Variants in TRAM2 observed in about 807,000 individuals in gnomAD.
TRAM2 encodes the protein translocation associated membrane protein 2.
TRAM2 carries 12 observed loss-of-function variants against 51.0 expected under a neutral mutation model. The ratio of observed to expected loss-of-function variants is 0.24; its 90% CI spans 0.15 to 0.38. TRAM2 has a LOEUF of 0.38. TRAM2 is among the 10% of genes least tolerant of loss of function. TRAM2 has a pLI of 1.00. For synonymous variants in TRAM2, 175 were observed against 179.4 expected, an observed-to-expected ratio of 0.98 and a Z score of 0.20; for missense variants, 361 against 462.0, an observed-to-expected ratio of 0.78 and a Z score of 2.00.
intron 2 of TRAM2, among the ~76,000 whole-genome samples, chr6:52,526,216 A>C (rs966777580): frequency 1.3e-5 from 2 of 150,546 alleles, no homozygotes. Context: ...CACGCCAGAG[A>C]ATTAAAGATC....
Position 52,506,140 on chromosome 6 carries a change from G to C in TRAM2, c.627-4C>G, listed in dbSNP as rs1280295111. 1 of 1,613,180 alleles carries C rather than the reference G, an allele frequency of 6.2e-7. No individual in the cohort carries two copies. Among genetic ancestry groups the C allele is most frequent in the Non-Finnish European group, 8.5e-7 (1 of 1,179,870 alleles). ...GATCAGGCCCAGGCGGCTCAGGCTG[G>C]GGGTGGGGAAGACTAGACTTACATT... On this transcript the variant is annotated splice_region_variant and splice_polypyrimidine_tract_variant and intron_variant, in intron 7 of 10. Coordinates refer to ENST00000182527, the MANE Select transcript of TRAM2 (RefSeq NM_012288.4).
At chr6:52,522,253 C>A (rs1484415679) in intron 2 of TRAM2, among the ~76,000 whole-genome samples, 1 of 152,244 alleles carries the variant, frequency 6.6e-6, no homozygotes, top group African/African-American at 2.4e-5. Context: ...CAGGAACACA[C>A]TAGAGAGGAG....
At chr6:52,526,808 C>T (rs559772893) in intron 2 of TRAM2, among the ~76,000 whole-genome samples, 1 of 152,352 alleles carries the variant, frequency 6.6e-6, no homozygotes, top group Non-Finnish European at 1.5e-5. Flanking sequence ...CTCCACTGTA[C>T]TTCAAAGTTC....
At chr6:52,559,258 G>C in intron 1 of TRAM2, among the ~76,000 whole-genome samples, 1 of 152,206 alleles carries the variant, frequency 6.6e-6, no homozygotes, top group East Asian at 1.9e-4. Context: ...AAAGATCAGT[G>C]TAACAGACGC....
chr6:52,515,599 A>C lies in TRAM2; in HGVS notation c.411+407T>G, dbSNP rs1308356504. Reference sequence around the variant, plus strand: ...TTCAAAACCACAGAACCACAGGCATACTGCAAAATTTGAGCTTGGAACTCT... The same window carrying C: ...TTCAAAACCACAGAACCACAGGCATCCTGCAAAATTTGAGCTTGGAACTCT... On this transcript the variant is annotated intron_variant, in intron 4 of 10. Coordinates refer to ENST00000182527, the MANE Select transcript of TRAM2 (RefSeq NM_012288.4). Among the ~76,000 whole-genome samples the C allele has an allele frequency of 2.0e-5, 3 of 152,264 alleles. No individual in the cohort carries two copies. The East Asian group carries it at 5.8e-4, about 29-fold the overall frequency.
intron 4 of TRAM2, 99 bp downstream of exon 4, chr6:52,515,906 GA>G (rs1296108553): frequency 1.4e-5 from 14 of 1,003,870 alleles, no homozygotes; most frequent in Admixed American, 2.2e-5. Context: ...AAAAGAAAAA[GA>G]GCAAGGGGTC....
chr6:52,541,803 G>GTTTTTTTTCTTTTTTTTTTTTTTTTTT (rs1767086415), intron 1 of TRAM2, among the ~76,000 whole-genome samples: 1 of 138,700 alleles, frequency 7.2e-6, no homozygotes, highest in African/African-American at 2.7e-5. Context: ...AGTTTATTCT[G>GTTTTTTTTCTTTTTTTTTTTTTTTTTT]TTTTTTTTTT....
At chr6:52,522,770 C>G in intron 2 of TRAM2, 2 of 599,516 alleles carry the variant, frequency 3.3e-6, no homozygotes. Context: ...TAATCAGAAT[C>G]TTGGCTGTTT....
At chr6:52,545,464 G>A (rs1562485026) in intron 1 of TRAM2, among the ~76,000 whole-genome samples, 1 of 152,184 alleles carries the variant, frequency 6.6e-6, no homozygotes, top group African/African-American at 2.4e-5. Context: ...GAAAATCACA[G>A]GGTAAGAGCA....
intron 2 of TRAM2, among the ~76,000 whole-genome samples, chr6:52,518,422 C>T (rs569676860): frequency 2.2e-4 from 33 of 152,218 alleles, no homozygotes; most frequent in African/African-American, 6.5e-4. Flanking sequence ...CTGAAGGCAA[C>T]GTGGAAATAT....
At chr6:52,567,323 C>A (rs11751719) in intron 1 of TRAM2, among the ~76,000 whole-genome samples, 17,153 of 152,276 alleles carry the variant, frequency 0.11, 1,437 homozygotes, top group East Asian at 0.49. Context: ...GTGTCACATT[C>A]TCTTCTTTCT....
intron 1 of TRAM2, among the ~76,000 whole-genome samples, chr6:52,576,237 G>A (rs1767762692): frequency 6.6e-6 from 1 of 152,236 alleles, no homozygotes; most frequent in Non-Finnish European, 1.5e-5. Context: ...GACGAGAGCA[G>A]AAGGCCACTG....
At chr6:52,541,803 G>GTTTTTTTTTTTTTTTTTTTTTTT (rs56919932) in intron 1 of TRAM2, among the ~76,000 whole-genome samples, 46 of 138,684 alleles carry the variant, frequency 3.3e-4, no homozygotes, top group Non-Finnish European at 5.3e-4. Context: ...AGTTTATTCT[G>GTTTTTTTTTTTTTTTTTTTTTTT]TTTTTTTTTT....
At chr6:52,545,785 T>C (rs1007068644) in intron 1 of TRAM2, among the ~76,000 whole-genome samples, 1 of 152,124 alleles carries the variant, frequency 6.6e-6, no homozygotes, top group Admixed American at 6.5e-5. Flanking sequence ...TAGTCCTCCA[T>C]GGCTCCCTAT....
At chr6:52,538,470 G>A (rs929291272) in intron 1 of TRAM2, among the ~76,000 whole-genome samples, 8 of 152,296 alleles carry the variant, frequency 5.3e-5, no homozygotes, top group East Asian at 1.9e-4. Context: ...CCCTGCCCTG[G>A]GCTCTGGGTC....
intron 2 of TRAM2, among the ~76,000 whole-genome samples, chr6:52,534,815 C>T (rs988491218): frequency 1.3e-5 from 2 of 152,184 alleles, no homozygotes; most frequent in Non-Finnish European, 2.9e-5. Flanking sequence ...CTGTCCAGTT[C>T]AGCGATTTAC....
At chr6:52,556,482 ATGT>A (rs911438893) in intron 1 of TRAM2, among the ~76,000 whole-genome samples, 3 of 151,766 alleles carry the variant, frequency 2.0e-5, no homozygotes, top group African/African-American at 7.3e-5. Context: ...GGGTTTCACC[ATGT>A]TGGCCAGCCT....
intron 1 of TRAM2, among the ~76,000 whole-genome samples, chr6:52,556,980 G>A (rs1767417845): frequency 6.6e-6 from 1 of 151,486 alleles, no homozygotes; most frequent in Admixed American, 6.6e-5. Flanking sequence ...GATCACCTGA[G>A]GTCAGGAGTT....
At chr6:52,576,755 G>A (rs373454800) in intron 1 of TRAM2, 41 bp downstream of exon 1, 9 of 1,603,470 alleles carry the variant, frequency 5.6e-6, no homozygotes, top group African/African-American at 4.0e-5. Context: ...TGCACGACAG[G>A]GGGCACTGTC....
Sources: gnomAD v4.1 joint callset for allele counts (sites outside exome capture counted in the v4.1 genomes callset) on GRCh38, gnomAD v4.1.1 for gene constraint, MANE v1.5 for transcripts, NCBI Gene and HGNC (gene_info 2026-07-23, HGNC 2026-07-21) for gene names.